The following SYAP1 variants were observed in gnomAD, a reference collection of about 807,000 sequenced individuals.
The protein encoded by SYAP1 is synapse associated protein 1.
Under a neutral mutation model 29.6 loss-of-function variants are expected in SYAP1, and 3 were observed. That is an observed-to-expected ratio of 0.10 (90% confidence interval 0.05 to 0.26). The LOEUF is 0.26. Among genes scored for constraint, SYAP1 ranks in the 10% least tolerant of loss-of-function variants. The pLI is 1.00. For synonymous variants in SYAP1, 102 were observed against 102.7 expected, an observed-to-expected ratio of 0.99 and a Z score of 0.04; for missense variants, 217 against 264.1, an observed-to-expected ratio of 0.82 and a Z score of 1.24.
chrX:16,748,467 A>T (rs1160494811), intron 5 of SYAP1, among the ~76,000 whole-genome samples: 2 of 112,438 alleles, frequency 1.8e-5, no homozygotes, highest in Non-Finnish European at 3.8e-5. Context: ...AAAACAAAAC[A>T]CTTGCTCTGG....
intron 1 of SYAP1, among the ~76,000 whole-genome samples, chrX:16,729,265 T>G (rs1926152714): frequency 1.8e-5 from 2 of 111,110 alleles, no homozygotes; most frequent in Non-Finnish European, 3.8e-5. Context: ...CCTGTGTGGT[T>G]TTTGGTACTA....
At chrX:16,756,847 G>C (rs1435744798) in intron 7 of SYAP1, 126 bp downstream of exon 7, 1 of 678,814 alleles carries the variant, frequency 1.5e-6, no homozygotes, top group African/African-American at 2.1e-5. Context: ...TCTGGTACTT[G>C]AATAGTCAAG....
Position 16,761,807 on chromosome X carries a change from G to T in SYAP1, c.*1448G>T, listed in dbSNP as rs1216453794. On this transcript the variant is annotated 3_prime_UTR_variant, in exon 9 of 9. Transcript: ENST00000380155. ...AGCCTTTATTACATAAAGGGGAATA[G>T]AATTAAAATGTTTCTTTATAAGAAA... 8.9e-6 allele frequency: 1 copy of T among 112,473 alleles called. No individual in the cohort carries two copies. Among genetic ancestry groups the T allele is most frequent in the Non-Finnish European group, 1.9e-5 (1 of 53,339 alleles). 9.3% of individuals were successfully genotyped at this position (112,473 alleles called of 1,213,427 possible). A position where few individuals can be genotyped will look rare whatever the true frequency, so the allele number is the denominator to read the frequency against.
rs1454854908 is a variant in SYAP1, at chrX:16,761,692, TGAATGAATGAATGAAC to T, written c.*1337_*1352del. 9.0e-6 allele frequency: 1 copy of T among 111,341 alleles called. No individual in the cohort carries two copies. Among genetic ancestry groups the T allele is most frequent in the African/African-American group, 3.3e-5 (1 of 30,596 alleles). The allele number at this position is 111,341 out of a possible 1,213,427, so 9.2% of individuals were successfully genotyped here. On this transcript the variant is annotated 3_prime_UTR_variant, in exon 9 of 9. Transcript: ENST00000380155. ...TCCGTCTCAAAAATGAATGAATGAA[TGAATGAATGAATGAAC>T]GAACGAACAAGGTGGTTTAATGTCA...
chrX:16,744,377 C>T (rs769180744), intron 5 of SYAP1, among the ~76,000 whole-genome samples: 1 of 112,906 alleles, frequency 8.9e-6, no homozygotes, highest in East Asian at 2.8e-4. Context: ...CTGTCTCAAG[C>T]TCTTCCGTGC....
At chrX:16,737,345 A>G (rs746946261) in intron 3 of SYAP1, among the ~76,000 whole-genome samples, 2 of 111,489 alleles carry the variant, frequency 1.8e-5, no homozygotes, top group African/African-American at 6.5e-5. Flanking sequence ...TAATCATGCC[A>G]GTGTACTCCA....
At chrX:16,752,316 C>T (rs1926751931) in intron 5 of SYAP1, among the ~76,000 whole-genome samples, 2 of 107,183 alleles carry the variant, frequency 1.9e-5, no homozygotes, top group South Asian at 7.9e-4. Flanking sequence ...TGTATTCAAC[C>T]CTCAAGATTT....
rs557572272 is a variant in SYAP1 at position 16,752,346 on chromosome X, C to G, written c.576-2599C>G. Among the ~76,000 whole-genome samples the G allele has an allele frequency of 5.0e-5, 5 of 100,635 alleles. No homozygotes were observed. In the South Asian group the frequency reaches 2.4e-3, roughly 47 times the overall value. The allele number at this position is 100,635 out of a possible 115,157, so 87.4% of individuals were successfully genotyped here. On this transcript the variant is annotated intron_variant, in intron 5 of 8. Coordinates refer to ENST00000380155, the MANE Select transcript of SYAP1 (RefSeq NM_032796.4). Reference sequence around the variant, plus strand: ...AGATTTTTATTTAATTTCTCTGAAGCGAGCACAGTTATCAATGGATTATTA... The same window carrying G: ...AGATTTTTATTTAATTTCTCTGAAGGGAGCACAGTTATCAATGGATTATTA...
intron 3 of SYAP1, 57 bp from the exon 4 acceptor site, chrX:16,741,659 G>T: frequency 1.1e-6 from 1 of 922,918 alleles, no homozygotes; most frequent in Non-Finnish European, 1.5e-6. Flanking sequence ...AGACTGCAGT[G>T]TAACCATCAT....
At position 16,755,102 on chromosome X, in the gene SYAP1, T is replaced by G. The variant is rs376804000; in HGVS notation, c.724+9T>G. The G allele has an allele frequency of 5.7e-5, 69 of 1,208,634 alleles. No individual in the cohort carries two copies. The highest frequency in any genetic ancestry group is 7.5e-5 in the Non-Finnish European group (67 of 894,264). On this transcript the variant is annotated intron_variant, in intron 6 of 8. Transcript: ENST00000380155. ...AGATTTGCCGCTGGCAGGTATATTC[T>G]GGGTAGAAGACAGCACTCTACAGAA...
intron 1 of SYAP1, among the ~76,000 whole-genome samples, chrX:16,726,152 A>C (rs1282582006): frequency 1.8e-5 from 2 of 111,870 alleles, no homozygotes; most frequent in Non-Finnish European, 3.8e-5. Flanking sequence ...AAAATTAGAA[A>C]GTTTTCCAGA....
chrX:16,725,152 TA>T (rs1472387216), intron 1 of SYAP1, among the ~76,000 whole-genome samples: 2 of 112,092 alleles, frequency 1.8e-5, no homozygotes, highest in Non-Finnish European at 3.8e-5. Flanking sequence ...GAAGGTAAAA[TA>T]ACTACTTTAA....
chrX:16,737,355 A>C (rs1169335144), intron 3 of SYAP1, among the ~76,000 whole-genome samples: 1 of 111,565 alleles, frequency 9.0e-6, no homozygotes, highest in Non-Finnish European at 1.9e-5. Flanking sequence ...AGTGTACTCC[A>C]GCCTGGACTA....
In SYAP1 at chrX:16,735,394, T is replaced by C. The variant is rs757236668; in HGVS notation, c.294+49T>C. ...GTAGAAATGTATGAAATTCATTGTT[T>C]CCTCTTGATGGTTTCTTCTTCTTAT... On this transcript the variant is annotated intron_variant, in intron 2 of 8. Transcript: ENST00000380155. The C allele has an allele frequency of 7.6e-6, 6 of 790,274 alleles. No individual in the cohort carries two copies. The South Asian group carries it at 1.5e-4, about 19-fold the overall frequency. 65.1% of individuals were successfully genotyped at this position (790,274 alleles called of 1,213,427 possible).
chrX:16,746,628 G>T (rs1356264348), intron 5 of SYAP1, among the ~76,000 whole-genome samples: 3 of 111,122 alleles, frequency 2.7e-5, no homozygotes, highest in Non-Finnish European at 3.8e-5. Context: ...TGTCACCCAG[G>T]GTGGAGTCCA....
At position 16,757,724 on chromosome X, in the gene SYAP1, AAAAT is replaced by A. The variant is rs1018548120; in HGVS notation, c.931+434_931+437del. 2.8e-5 allele frequency among the ~76,000 whole-genome samples: 3 copies of A among 107,649 alleles called. No individual in the cohort carries two copies. The Admixed American group carries it at 3.1e-4, about 11-fold the overall frequency. 93.5% of individuals were successfully genotyped at this position (107,649 alleles called of 115,157 possible). A position where few individuals can be genotyped will look rare whatever the true frequency, so the allele number is the denominator to read the frequency against. On this transcript the variant is annotated intron_variant, in intron 8 of 8. Coordinates refer to ENST00000380155, the MANE Select transcript of SYAP1 (RefSeq NM_032796.4). Reference sequence around the variant, plus strand: ...GGTGACAGAGCGAGACTCCGCCTCAAAAATAAATAAATAAATAAATAATAAGTTT... The same window carrying A: ...GGTGACAGAGCGAGACTCCGCCTCAAAAATAAATAAATAAATAATAAGTTT...
Position 16,756,611 on chromosome X carries a change from G to C in SYAP1, c.725-52G>C, listed in dbSNP as rs999511654. 3.1e-5 allele frequency: 31 copies of C among 994,292 alleles called. No individual in the cohort carries two copies. In the Admixed American group the frequency reaches 6.2e-4, roughly 20 times the overall value. 81.9% of individuals were successfully genotyped at this position (994,292 alleles called of 1,213,427 possible). A position where few individuals can be genotyped will look rare whatever the true frequency, so the allele number is the denominator to read the frequency against. ...GGATATTTTACTGTGATTATAATATGTATTCAGAACTGAACCAAGCAATTA... is the reference window on the plus strand; with the variant it reads ...GGATATTTTACTGTGATTATAATATCTATTCAGAACTGAACCAAGCAATTA... On this transcript the variant is annotated intron_variant, in intron 6 of 8. Coordinates refer to ENST00000380155, the MANE Select transcript of SYAP1 (RefSeq NM_032796.4).
At position 16,762,776 on chromosome X, in the gene SYAP1, C is replaced by T. The variant is rs1927011632; in HGVS notation, c.*2417C>T. The T allele has an allele frequency of 9.0e-6, 1 of 111,695 alleles. No homozygotes were observed. Among genetic ancestry groups the T allele is most frequent in the South Asian group, 3.7e-4 (1 of 2,681 alleles). 9.2% of individuals were successfully genotyped at this position (111,695 alleles called of 1,213,427 possible). A position where few individuals can be genotyped will look rare whatever the true frequency, so the allele number is the denominator to read the frequency against. ...TGGCAGTATGTTGGAAATGCCTGCC[C>T]CAGACCAGTTGATGTTACTAAGAAC... On this transcript the variant is annotated 3_prime_UTR_variant, in exon 9 of 9. Transcript: ENST00000380155.
intron 1 of SYAP1, among the ~76,000 whole-genome samples, chrX:16,720,876 G>T (rs1190762574): frequency 1.8e-5 from 2 of 110,395 alleles, no homozygotes; most frequent in African/African-American, 3.3e-5. Context: ...AGCCGGGCGT[G>T]GTGGCGGGCA....
Sources: gnomAD v4.1 joint callset for allele counts (sites outside exome capture counted in the v4.1 genomes callset) on GRCh38, gnomAD v4.1.1 for gene constraint, MANE v1.5 for transcripts, NCBI Gene and HGNC (gene_info 2026-07-23, HGNC 2026-07-21) for gene names.